ABLIM3: variants seen among roughly 807,000 people sequenced by gnomAD.
ABLIM3 encodes the protein actin-binding LIM protein 3.
A neutral mutation model predicts 109.5 loss-of-function variants in ABLIM3; 61 were observed. The ratio of observed to expected loss-of-function variants is 0.56; its 90% CI spans 0.45 to 0.69. The LOEUF (loss-of-function observed/expected upper bound fraction) is 0.69. Among genes scored for constraint, ABLIM3 ranks in the 30% least tolerant of loss-of-function variants. The pLI is 0.00. For synonymous variants in ABLIM3, 300 were observed against 324.8 expected, an observed-to-expected ratio of 0.92 and a Z score of 0.82; for missense variants, 796 against 889.5, an observed-to-expected ratio of 0.89 and a Z score of 1.34.
At chr5:149,177,203 T>A (rs1166851736) in intron 2 of ABLIM3, 1 of 152,258 alleles carries the variant, frequency 6.6e-6, no homozygotes, top group Non-Finnish European at 1.5e-5. Context: ...ATCTCGTGTA[T>A]ACGAATAGCC....
At chr5:149,144,136 C>CA (rs1410961905) in intron 2 of ABLIM3, among the ~76,000 whole-genome samples, 1 of 152,118 alleles carries the variant, frequency 6.6e-6, no homozygotes, top group Non-Finnish European at 1.5e-5. Flanking sequence ...TGAGGACTGG[C>CA]AAAAATGCCA....
chr5:149,192,735 T>C (rs1757610761), intron 3 of ABLIM3, among the ~76,000 whole-genome samples: 1 of 152,094 alleles, frequency 6.6e-6, no homozygotes, highest in Non-Finnish European at 1.5e-5. Context: ...ATAGTGTATC[T>C]AGCAATGATC....
In ABLIM3 at chr5:149,239,774, C is replaced by A; in HGVS notation, c.1090C>A (p.Leu364Met). ...CCTCTCCCAGGACATCTACGAGAAC[C>A]TGGACCTCCGGCAGAGACGGGCCTC... ...SPYSQDIYENLDLRQRRASSP... is the reference protein window; with the variant it reads ...SPYSQDIYENMDLRQRRASSP... Residue 364 changes from leucine (L) to methionine (M), a missense_variant, in exon 13 of 24, where the codon CTG becomes ATG. Transcript: ENST00000309868. 1 of 1,607,012 alleles carries A rather than the reference C, an allele frequency of 6.2e-7. No homozygotes were observed.
At chr5:149,232,759 GT>G (rs572384103) in intron 9 of ABLIM3, among the ~76,000 whole-genome samples, 44 of 139,450 alleles carry the variant, frequency 3.2e-4, no homozygotes, top group East Asian at 1.8e-3. Flanking sequence ...TTCAGAGACA[GT>G]TTTTTTTTTA....
intron 6 of ABLIM3, among the ~76,000 whole-genome samples, chr5:149,207,751 C>A (rs1399116826): frequency 6.6e-6 from 1 of 152,194 alleles, no homozygotes; most frequent in Non-Finnish European, 1.5e-5. Context: ...CTGAGAGCAA[C>A]ACCTGACCCA....
At chr5:149,193,877 A>G (rs557030999) in intron 3 of ABLIM3, among the ~76,000 whole-genome samples, 1 of 152,324 alleles carries the variant, frequency 6.6e-6, no homozygotes, top group Non-Finnish European at 1.5e-5. Context: ...ATGATTAATT[A>G]TGCATGTGGG....
intron 2 of ABLIM3, among the ~76,000 whole-genome samples, chr5:149,173,586 G>A (rs907318733): frequency 6.6e-6 from 1 of 152,126 alleles, no homozygotes; most frequent in African/African-American, 2.4e-5. Flanking sequence ...GGTCACAAGG[G>A]GTGGCACTCC....
At position 149,198,689 on chromosome 5, in the gene ABLIM3, G is replaced by A. The variant is rs1758213543; in HGVS notation, c.335+287G>A. On this transcript the variant is annotated intron_variant, in intron 4 of 23. Transcript: ENST00000309868. The surrounding 1 kb of genome is among the most constrained non-coding windows in gnomAD (Gnocchi z 4.2). ...CTCAGCCTCCCAATTCCTCTCAAAA[G>A]GCCCCCAAAGAAACCACTGATTCTC... Among the ~76,000 whole-genome samples the A allele has an allele frequency of 6.6e-6, 1 of 152,132 alleles. No homozygotes were observed. The highest frequency in any genetic ancestry group is 2.4e-5 in the African/African-American group (1 of 41,412).
At chr5:149,197,190 T>A (rs988835622) in intron 3 of ABLIM3, among the ~76,000 whole-genome samples, 1 of 152,220 alleles carries the variant, frequency 6.6e-6, no homozygotes, top group Non-Finnish European at 1.5e-5. Flanking sequence ...GATTCAGGCC[T>A]TCCTCCAACT....
chr5:149,258,482 C>T lies in ABLIM3; in HGVS notation c.*78C>T. ...CTCTACTGAAGCTCGGTATAATCCT[C>T]TCTTGTGTAATGGGACACACTGCCT... On this transcript the variant is annotated 3_prime_UTR_variant, in exon 24 of 24. Coordinates refer to ENST00000309868, the MANE Select transcript of ABLIM3 (RefSeq NM_014945.5). The T allele has an allele frequency of 6.7e-7, 1 of 1,483,090 alleles. No homozygotes were observed. The allele number at this position is 1,483,090 out of a possible 1,614,324, so 91.9% of individuals were successfully genotyped here. A position where few individuals can be genotyped will look rare whatever the true frequency, so the allele number is the denominator to read the frequency against.
intron 2 of ABLIM3, among the ~76,000 whole-genome samples, chr5:149,142,922 G>T (rs1752612836): frequency 6.6e-6 from 1 of 152,074 alleles, no homozygotes; most frequent in Non-Finnish European, 1.5e-5. Context: ...TGTCAGCTTG[G>T]CCTGTCTAGG....
rs746363662 is a variant in ABLIM3, at chr5:149,206,975, T to C, written c.449-33T>C. 7 of 1,607,272 alleles carry C rather than the reference T, an allele frequency of 4.4e-6. No individual in the cohort carries two copies. In the African/African-American group the frequency reaches 6.7e-5, roughly 15 times the overall value. ...ATAGCGGGGGTTAAAGGGCCCAGGGTGCTTTGCTCAGCAGTGTCCTCTTGT... is the reference window on the plus strand; with the variant it reads ...ATAGCGGGGGTTAAAGGGCCCAGGGCGCTTTGCTCAGCAGTGTCCTCTTGT... On this transcript the variant is annotated intron_variant, in intron 5 of 23. Coordinates refer to ENST00000309868, the MANE Select transcript of ABLIM3 (RefSeq NM_014945.5).
intron 2 of ABLIM3, among the ~76,000 whole-genome samples, chr5:149,169,942 G>A (rs1285425149): frequency 6.6e-6 from 1 of 152,160 alleles, no homozygotes; most frequent in Admixed American, 6.5e-5. Flanking sequence ...TTTATTCCAA[G>A]TGAAAAAATC....
chr5:149,197,556 A>AC, intron 3 of ABLIM3, among the ~76,000 whole-genome samples: 1 of 151,412 alleles, frequency 6.6e-6, no homozygotes, highest in South Asian at 2.1e-4. Context: ...GAGAATAGAC[A>AC]CCCCCCACTC....
intron 9 of ABLIM3, among the ~76,000 whole-genome samples, chr5:149,232,603 C>T (rs558894781): frequency 9.8e-5 from 15 of 152,320 alleles, no homozygotes; most frequent in African/African-American, 3.6e-4. Context: ...TTTCACAGAT[C>T]AAGAATCCAA....
intron 8 of ABLIM3, among the ~76,000 whole-genome samples, chr5:149,226,312 C>T (rs965067963): frequency 2.0e-5 from 3 of 151,820 alleles, no homozygotes; most frequent in African/African-American, 7.3e-5. Context: ...GGTGAAACCC[C>T]GTATCTACTA....
chr5:149,215,109 G>A (rs1759929012), intron 7 of ABLIM3, among the ~76,000 whole-genome samples: 1 of 152,188 alleles, frequency 6.6e-6, no homozygotes, highest in South Asian at 2.1e-4. Context: ...CAGCTGGGGT[G>A]AGGTAGTGGG....
At chr5:149,233,357 A>C in intron 10 of ABLIM3, 57 bp downstream of exon 10, 2 of 1,533,626 alleles carry the variant, frequency 1.3e-6, no homozygotes, top group Non-Finnish European at 1.8e-6. Context: ...CTGGTATATA[A>C]AGAGTCACTA....
At chr5:149,233,701 G>T (rs1762088619) in intron 10 of ABLIM3, among the ~76,000 whole-genome samples, 1 of 152,212 alleles carries the variant, frequency 6.6e-6, no homozygotes. Flanking sequence ...TTGATGTGGA[G>T]ATAGTGGTGG....
Sources: gnomAD v4.1 joint callset for allele counts (sites outside exome capture counted in the v4.1 genomes callset) on GRCh38, gnomAD v4.1.1 for gene constraint, Gnocchi (gnomAD v3.1) non-coding constraint, MANE v1.5 for transcripts, NCBI Gene and HGNC (gene_info 2026-07-23, HGNC 2026-07-21) for gene names.